The following ST6GALNAC3 variants were observed in gnomAD, a reference collection of about 807,000 sequenced individuals.
ST6GALNAC3 encodes alpha-N-acetylgalactosaminide alpha-2,6-sialyltransferase 3.
In ST6GALNAC3, 25 loss-of-function variants were observed where a neutral mutation model predicts 32.7. The ratio of observed to expected loss-of-function variants is 0.76; its 90% CI spans 0.56 to 1.07. The LOEUF (loss-of-function observed/expected upper bound fraction) is 1.07, where lower values mean the gene tolerates loss of function less well. Among genes scored for constraint, ST6GALNAC3 ranks in the 50% least tolerant of loss-of-function variants. ST6GALNAC3 has a pLI of 0.00. For synonymous variants in ST6GALNAC3, 129 were observed against 133.1 expected (o/e 0.97, Z 0.21); for missense variants, 355 against 382.4 (o/e 0.93, Z 0.60).
In ST6GALNAC3 at chr1:76,271,822, C is replaced by T. The variant is rs534253074; in HGVS notation, c.19-41983C>T. Among the ~76,000 whole-genome samples, 7 of 152,192 alleles carry T rather than the reference C, an allele frequency of 4.6e-5. No individual in the cohort carries two copies. The South Asian group carries it at 1.2e-3, about 27-fold the overall frequency. On this transcript the variant is annotated intron_variant, in intron 1 of 4. Coordinates refer to ENST00000328299, the MANE Select transcript of ST6GALNAC3 (RefSeq NM_152996.4). The stretch of plus-strand genomic sequence containing the variant: ...CAGGCAGCTTGGAGCAGGGTGGTGG[C>T]AGTAGAGGTGGTGAGAAGAGGTTAG...
At chr1:76,257,244 AATGT>A (rs1214160942) in intron 1 of ST6GALNAC3, among the ~76,000 whole-genome samples, 2 of 152,170 alleles carry the variant, frequency 1.3e-5, no homozygotes, top group Admixed American at 1.3e-4. Context: ...CACCAATCAA[AATGT>A]CTTGGTATTT....
At chr1:76,447,190 C>G (rs1048028391) in intron 3 of ST6GALNAC3, among the ~76,000 whole-genome samples, 2 of 152,120 alleles carry the variant, frequency 1.3e-5, no homozygotes, top group Non-Finnish European at 1.5e-5. Context: ...GGGAACTGGA[C>G]TGAAACAAAG....
At chr1:76,124,322 G>A (rs74092509) in intron 1 of ST6GALNAC3, among the ~76,000 whole-genome samples, 8 of 152,044 alleles carry the variant, frequency 5.3e-5, no homozygotes, top group South Asian at 2.1e-4. Flanking sequence ...CAAATCATGC[G>A]CATTCTTTCA....
chr1:76,154,568 G>A (rs12122853), intron 1 of ST6GALNAC3, among the ~76,000 whole-genome samples: 14,381 of 152,190 alleles, frequency 0.094, 735 homozygotes, highest in Non-Finnish European at 0.11. Context: ...CAGGGTTTTT[G>A]ACGCTCACAG....
At chr1:76,452,246 T>C (rs748299732) in intron 3 of ST6GALNAC3, among the ~76,000 whole-genome samples, 65 of 152,118 alleles carry the variant, frequency 4.3e-4, no homozygotes, top group Non-Finnish European at 7.6e-4. Context: ...CTGCACAAGC[T>C]CTCTCTTTGA....
At chr1:76,498,492 A>C (rs750258725) in intron 3 of ST6GALNAC3, among the ~76,000 whole-genome samples, 36 of 152,186 alleles carry the variant, frequency 2.4e-4, no homozygotes, top group Non-Finnish European at 5.9e-5. Context: ...TTTGATTAAC[A>C]GGAGAAAGAG....
chr1:76,502,963 G>A (rs1471766497), intron 3 of ST6GALNAC3, among the ~76,000 whole-genome samples: 2 of 152,192 alleles, frequency 1.3e-5, no homozygotes, highest in African/African-American at 2.4e-5. Context: ...TTATAAGGAT[G>A]TGTGGGCAAA....
rs956829157 is a variant in ST6GALNAC3 at position 76,161,400 on chromosome 1, C to T, written c.18+86516C>T. On this transcript the variant is annotated intron_variant, in intron 1 of 4. Transcript: ENST00000328299. ...TACAGAACTGGTAAGCGGCAGAGAG[C>T]GGCAGCACCTAGGTTTCCTGACCCT... Among the ~76,000 whole-genome samples the T allele has an allele frequency of 3.9e-5, 6 of 152,206 alleles. No homozygotes were observed. The East Asian group carries it at 5.8e-4, about 15-fold the overall frequency.
intron 1 of ST6GALNAC3, among the ~76,000 whole-genome samples, chr1:76,266,946 G>A (rs939883340): frequency 4.6e-5 from 7 of 152,186 alleles, no homozygotes; most frequent in East Asian, 1.9e-4. Flanking sequence ...AAGGATATGC[G>A]GATATGCTCG....
chr1:76,308,327 G>A (rs1362364154), intron 1 of ST6GALNAC3, among the ~76,000 whole-genome samples: 1 of 152,012 alleles, frequency 6.6e-6, no homozygotes, highest in East Asian at 1.9e-4. Flanking sequence ...ACTGTGTTCT[G>A]CATTTTCCAC....
intron 1 of ST6GALNAC3, among the ~76,000 whole-genome samples, chr1:76,134,155 G>A (rs1451893228): frequency 1.3e-5 from 2 of 152,208 alleles, no homozygotes; most frequent in Non-Finnish European, 2.9e-5. Context: ...CAGGCCCAGG[G>A]CACTGATTAG....
intron 1 of ST6GALNAC3, among the ~76,000 whole-genome samples, chr1:76,304,678 G>A (rs976572538): frequency 1.3e-5 from 2 of 152,030 alleles, no homozygotes; most frequent in African/African-American, 4.8e-5. Flanking sequence ...TGTGAGGTGT[G>A]AGGATAAATG....
chr1:76,163,155 T>C (rs1651915475), intron 1 of ST6GALNAC3, among the ~76,000 whole-genome samples: 1 of 152,244 alleles, frequency 6.6e-6, no homozygotes, highest in South Asian at 2.1e-4. Context: ...GATTCCAATC[T>C]ACTCTAAAAC....
intron 2 of ST6GALNAC3, among the ~76,000 whole-genome samples, chr1:76,334,891 A>C (rs1191836840): frequency 2.6e-5 from 4 of 152,220 alleles, no homozygotes; most frequent in African/African-American, 9.7e-5. Context: ...AAGAGCTGGA[A>C]TAATACTAAG....
intron 3 of ST6GALNAC3, among the ~76,000 whole-genome samples, chr1:76,602,907 C>CA (rs1318105725): frequency 1.3e-5 from 2 of 151,498 alleles, no homozygotes; most frequent in Non-Finnish European, 1.5e-5. Flanking sequence ...CGATCCATTG[C>CA]AAAAAAATAT....
At chr1:76,496,052 T>A (rs1660829074) in intron 3 of ST6GALNAC3, among the ~76,000 whole-genome samples, 1 of 152,154 alleles carries the variant, frequency 6.6e-6, no homozygotes, top group African/African-American at 2.4e-5. Context: ...AAATCAAAAT[T>A]GCAATTATTC....
chr1:76,422,054 AT>A (rs1193668444), intron 3 of ST6GALNAC3, among the ~76,000 whole-genome samples: 1 of 151,730 alleles, frequency 6.6e-6, no homozygotes, highest in Non-Finnish European at 1.5e-5. Context: ...TAATATACTT[AT>A]TTATTTTAAT....
intron 3 of ST6GALNAC3, among the ~76,000 whole-genome samples, chr1:76,456,813 C>G (rs1261874117): frequency 1.3e-5 from 2 of 152,182 alleles, no homozygotes; most frequent in Non-Finnish European, 2.9e-5. Context: ...TGCCCTCTCT[C>G]ACCACTCCTA....
intron 1 of ST6GALNAC3, among the ~76,000 whole-genome samples, chr1:76,211,225 A>G (rs1396610751): frequency 1.3e-5 from 2 of 152,240 alleles, no homozygotes; most frequent in Non-Finnish European, 2.9e-5. Flanking sequence ...GCAAATTGAA[A>G]CCACAATGAG....
Sources: gnomAD v4.1 joint callset for allele counts (sites outside exome capture counted in the v4.1 genomes callset) on GRCh38, gnomAD v4.1.1 for gene constraint, MANE v1.5 for transcripts, NCBI Gene and HGNC (gene_info 2026-07-23, HGNC 2026-07-21) for gene names.